Variants in SYN3 observed in about 807,000 individuals in gnomAD.
SYN3 encodes the protein synapsin-3.
SYN3 carries 35 observed loss-of-function variants against 65.8 expected under a neutral mutation model. That is an observed-to-expected ratio of 0.53 (90% CI 0.41 to 0.70). The LOEUF (loss-of-function observed/expected upper bound fraction) is 0.70, where lower values mean the gene tolerates loss of function less well. Ranked by LOEUF, SYN3 falls within the 30% of genes least tolerant of loss-of-function variation. The probability of loss-of-function intolerance (pLI) is 0.00; values close to 1 mark genes in which losing one functional copy is unlikely to be tolerated. For missense variants in SYN3, 680 were observed against 749.0 expected (o/e 0.91, Z 1.08); for synonymous variants, 270 against 292.9 (o/e 0.92, Z 0.80).
intron 1 of SYN3, among the ~76,000 whole-genome samples, chr22:33,052,635 T>G: frequency 6.6e-6 from 1 of 150,960 alleles, no homozygotes; most frequent in Non-Finnish European, 1.5e-5. Context: ...ACAAAATTAT[T>G]AACCCTTGTG....
chr22:32,651,685 GT>G (rs779344086), intron 6 of SYN3, among the ~76,000 whole-genome samples: 11 of 152,294 alleles, frequency 7.2e-5, no homozygotes, highest in Non-Finnish European at 1.5e-4. Context: ...AGACATCTCA[GT>G]TCGCCATGTT....
At chr22:32,814,317 C>CAGAAAGAAAGAAAGAAAGAAAGAAAGGA (rs552312629) in intron 6 of SYN3, among the ~76,000 whole-genome samples, 2 of 43,684 alleles carry the variant, frequency 4.6e-5, no homozygotes, top group African/African-American at 2.1e-4. Context: ...GAGAGAGAGA[C>CAGAAAGAAAGAAAGAAAGAAAGAAAGGA]AGAAAGAAAG....
intron 4 of SYN3, among the ~76,000 whole-genome samples, chr22:32,882,730 T>A (rs944772127): frequency 6.6e-6 from 1 of 151,060 alleles, no homozygotes; most frequent in African/African-American, 2.4e-5. Context: ...TTTTTTTTTT[T>A]AGGATCTGAA....
At chr22:32,521,246 C>T (rs2057875452) in intron 12 of SYN3, among the ~76,000 whole-genome samples, 1 of 151,792 alleles carries the variant, frequency 6.6e-6, no homozygotes, top group East Asian at 1.9e-4. Flanking sequence ...GCAATTGCCC[C>T]TCTCTGTCAC....
intron 4 of SYN3, among the ~76,000 whole-genome samples, chr22:32,884,558 T>C (rs2049237114): frequency 6.6e-6 from 1 of 152,240 alleles, no homozygotes; most frequent in Non-Finnish European, 1.5e-5. Context: ...TGTTCTAACT[T>C]GTTTTTCTTC....
chr22:32,689,924 C>T (rs1044850975), intron 6 of SYN3, among the ~76,000 whole-genome samples: 1 of 152,046 alleles, frequency 6.6e-6, no homozygotes, highest in East Asian at 1.9e-4. Context: ...GCCTGTAATC[C>T]CAGCATTTTG....
intron 6 of SYN3, among the ~76,000 whole-genome samples, chr22:32,854,981 C>A (rs2048325052): frequency 2.0e-5 from 3 of 152,152 alleles, no homozygotes. Context: ...AGCTCACAGG[C>A]CAAATGGGAG....
chr22:32,977,617 G>C (rs1044887034), intron 3 of SYN3, among the ~76,000 whole-genome samples: 3 of 151,882 alleles, frequency 2.0e-5, no homozygotes, highest in African/African-American at 7.3e-5. Context: ...GGTGGCAGGT[G>C]CTTGTAGTCC....
At chr22:32,803,042 G>A (rs2046632687) in intron 6 of SYN3, among the ~76,000 whole-genome samples, 1 of 152,072 alleles carries the variant, frequency 6.6e-6, no homozygotes, top group Non-Finnish European at 1.5e-5. Context: ...GTCTGGGAGT[G>A]TTTGGGACAC....
intron 6 of SYN3, chr22:32,861,906 G>A (rs2048550851): frequency 6.6e-6 from 1 of 152,506 alleles, no homozygotes; most frequent in East Asian, 1.9e-4. Context: ...TGTAATATGT[G>A]TACATTGTGT....
At chr22:32,591,541 A>G (rs943659833) in intron 7 of SYN3, among the ~76,000 whole-genome samples, 4 of 152,246 alleles carry the variant, frequency 2.6e-5, no homozygotes, top group African/African-American at 9.6e-5. Context: ...CCAAACCTAT[A>G]TGACAAAAAT....
At chr22:32,635,063 A>T (rs1031432559) in intron 6 of SYN3, 2 of 152,054 alleles carry the variant, frequency 1.3e-5, no homozygotes, top group African/African-American at 4.8e-5. Flanking sequence ...TACTGGGAGA[A>T]CCCTCATGAT....
chr22:32,610,802 G>A (rs192720470), intron 6 of SYN3, among the ~76,000 whole-genome samples: 212 of 152,238 alleles, frequency 1.4e-3, no homozygotes, highest in Non-Finnish European at 2.2e-3. Context: ...GGCTGGTCTC[G>A]AACTCTCGAT....
intron 6 of SYN3, among the ~76,000 whole-genome samples, chr22:32,825,092 C>T (rs141419425): frequency 1.1e-4 from 17 of 151,282 alleles, no homozygotes; most frequent in African/African-American, 3.6e-4. Context: ...GGATTTCTTT[C>T]GGGTTTGGTA....
chr22:32,888,351 G>A (rs964777659), intron 4 of SYN3, among the ~76,000 whole-genome samples: 1 of 152,004 alleles, frequency 6.6e-6, no homozygotes, highest in Non-Finnish European at 1.5e-5. Context: ...TTCTCTTGGG[G>A]AAAAGTCTAG....
intron 6 of SYN3, among the ~76,000 whole-genome samples, chr22:32,614,638 C>A (rs1295989414): frequency 6.6e-6 from 1 of 152,180 alleles, no homozygotes; most frequent in East Asian, 1.9e-4. Context: ...GAAGCAGAGA[C>A]TGTGGGCAGG....
At chr22:32,984,660 G>C (rs187368470) in intron 2 of SYN3, among the ~76,000 whole-genome samples, 5 of 152,308 alleles carry the variant, frequency 3.3e-5, no homozygotes, top group Non-Finnish European at 7.4e-5. Context: ...TCCTCTGCCT[G>C]TCAAGAGAGG....
intron 7 of SYN3, among the ~76,000 whole-genome samples, chr22:32,553,416 A>AAAT (rs1453152655): frequency 2.0e-5 from 3 of 152,234 alleles, no homozygotes; most frequent in African/African-American, 2.4e-5. Flanking sequence ...TCTGGAAAAA[A>AAAT]AATAATTCTA....
At chr22:32,639,398 G>A (rs1182265182) in intron 6 of SYN3, among the ~76,000 whole-genome samples, 1 of 152,250 alleles carries the variant, frequency 6.6e-6, no homozygotes, top group Non-Finnish European at 1.5e-5. Flanking sequence ...TCAAAGATTA[G>A]ATGGCTGTAG....
Sources: allele counts gnomAD v4.1 joint callset (sites outside exome capture counted in the v4.1 genomes callset), GRCh38; gene constraint gnomAD v4.1.1; transcripts MANE v1.5; gene names NCBI Gene and HGNC (gene_info 2026-07-23, HGNC 2026-07-21).